DTNA: variants seen among roughly 807,000 people sequenced by gnomAD.
The protein encoded by DTNA is dystrophin-related protein 3.
A neutral mutation model predicts 100.7 loss-of-function variants in DTNA; 43 were observed. The observed-to-expected ratio is 0.43, with a 90% confidence interval of 0.33 to 0.55. DTNA has a LOEUF of 0.55. DTNA is among the 20% of genes least tolerant of loss of function. The pLI, the probability that DTNA is intolerant of heterozygous loss-of-function variation, is 0.04. For synonymous variants in DTNA, 349 were observed against 347.9 expected (o/e 1.00, Z -0.04); for missense variants, 798 against 953.9 (o/e 0.84, Z 2.15).
chr18:34,815,867 A>G (rs762477806), intron 6 of DTNA, 42 bp from the exon 7 acceptor site: 16 of 1,523,524 alleles, frequency 1.1e-5, no homozygotes, highest in African/African-American at 1.4e-5. Flanking sequence ...GTAAATTGAG[A>G]TGATTCTCTG....
chr18:34,633,680 C>G (rs2058343597), intron 1 of DTNA, among the ~76,000 whole-genome samples: 1 of 152,186 alleles, frequency 6.6e-6, no homozygotes, highest in South Asian at 2.1e-4. Flanking sequence ...CACACTCACA[C>G]ACATGCCACA....
chr18:34,782,717 G>A (rs539662351), intron 3 of DTNA, among the ~76,000 whole-genome samples: 1 of 152,316 alleles, frequency 6.6e-6, no homozygotes, highest in Admixed American at 6.5e-5. Flanking sequence ...AGGACTCTTG[G>A]AAGAAGCTGG....
intron 15 of DTNA, among the ~76,000 whole-genome samples, chr18:34,853,394 G>A (rs1053688631): frequency 6.6e-6 from 1 of 152,096 alleles, no homozygotes; most frequent in African/African-American, 2.4e-5. Context: ...GAGAATTTGG[G>A]GATAAATGAT....
At position 34,623,857 on chromosome 18, in the gene DTNA, A is replaced by G. The variant is rs558688895; in HGVS notation, c.-2+130343A>G. On this transcript the variant is annotated intron_variant, in intron 1 of 19. Coordinates refer to the DTNA transcript ENST00000283365. ...CTCTGAAAGCTGCATTTTAAAAACT[A>G]TAATTTGGAAGATCCAAATGTGTTG... Among the ~76,000 whole-genome samples, 3 of 152,336 alleles carry G rather than the reference A, an allele frequency of 2.0e-5. No homozygotes were observed. The South Asian group carries it at 6.2e-4, about 32-fold the overall frequency.
At chr18:34,598,981 C>T (rs2051225545) in intron 1 of DTNA, among the ~76,000 whole-genome samples, 1 of 152,118 alleles carries the variant, frequency 6.6e-6, no homozygotes, top group Non-Finnish European at 1.5e-5. Flanking sequence ...TGATGGGAAC[C>T]AGAGGAAGAG....
chr18:34,641,838 T>C (rs1256272386), intron 1 of DTNA, among the ~76,000 whole-genome samples: 1 of 152,130 alleles, frequency 6.6e-6, no homozygotes. Flanking sequence ...ATAGAAAGCA[T>C]TGTTTGCCAG....
At chr18:34,705,460 T>C (rs942934440), upstream of DTNA, among the ~76,000 whole-genome samples, 2 of 152,194 alleles carry the variant, frequency 1.3e-5, no homozygotes, top group Admixed American at 1.3e-4. Flanking sequence ...AGAATCAGCA[T>C]GGTAAAATTA....
intron 1 of DTNA, among the ~76,000 whole-genome samples, chr18:34,596,672 T>A (rs1416127046): frequency 6.6e-6 from 1 of 152,210 alleles, no homozygotes; most frequent in Non-Finnish European, 1.5e-5. Context: ...CTTTTTACAC[T>A]CTTCGTTCTA....
At chr18:34,713,883 A>G (rs946236027) in intron 1 of DTNA, among the ~76,000 whole-genome samples, 2 of 152,122 alleles carry the variant, frequency 1.3e-5, no homozygotes, top group South Asian at 2.1e-4. Flanking sequence ...CTTTGAAGCA[A>G]TTGTGAATGG....
intron 3 of DTNA, among the ~76,000 whole-genome samples, chr18:34,769,570 AAAC>A (rs769153630): frequency 6.5e-4 from 99 of 152,042 alleles, no homozygotes; most frequent in Middle Eastern, 3.4e-3. Flanking sequence ...GGTGGCTTAT[AAAC>A]AACATTTATT....
chr18:34,523,614 T>G (rs1177561769), intron 1 of DTNA, among the ~76,000 whole-genome samples: 2 of 152,152 alleles, frequency 1.3e-5, no homozygotes, highest in Non-Finnish European at 2.9e-5. Context: ...CCCACAATTT[T>G]CATATATATT....
In DTNA at chr18:34,672,134, G is replaced by A. The variant is rs190054767; in HGVS notation, c.-1-83842G>A. Among the ~76,000 whole-genome samples, 1,286 of 152,222 alleles carry A rather than the reference G, an allele frequency of 8.4e-3. 11 individuals are homozygous for A. Among genetic ancestry groups the A allele is most frequent in the Non-Finnish European group, 0.014 (928 of 68,014 alleles). On this transcript the variant is annotated intron_variant, in intron 1 of 19. Coordinates refer to the DTNA transcript ENST00000283365. ...TTCTTGTCCTGATCAGCAAAAATACGTGAATCTTTCTGCCTTACTTGGAAT... is the reference window on the plus strand; with the variant it reads ...TTCTTGTCCTGATCAGCAAAAATACATGAATCTTTCTGCCTTACTTGGAAT...
At chr18:34,813,576 C>T (rs1295394465) in intron 6 of DTNA, among the ~76,000 whole-genome samples, 1 of 150,246 alleles carries the variant, frequency 6.7e-6, no homozygotes, top group African/African-American at 2.5e-5. Flanking sequence ...GTCAATAGGC[C>T]GGGTGAGGTG....
At chr18:34,720,020 C>T (rs140966423) in intron 1 of DTNA, among the ~76,000 whole-genome samples, 3 of 152,156 alleles carry the variant, frequency 2.0e-5, no homozygotes, top group Non-Finnish European at 2.9e-5. Flanking sequence ...TGTTCATTGC[C>T]GTCTTACTAG....
chr18:34,560,667 A>G (rs1031264114), intron 1 of DTNA, among the ~76,000 whole-genome samples: 4 of 152,308 alleles, frequency 2.6e-5, no homozygotes, highest in Admixed American at 2.6e-4. Context: ...GCACTTTGGG[A>G]GGCTGAGGAG....
chr18:34,666,143 G>A (rs1184835596), intron 1 of DTNA, among the ~76,000 whole-genome samples: 1 of 152,118 alleles, frequency 6.6e-6, no homozygotes, highest in Non-Finnish European at 1.5e-5. Context: ...ATCTCATTGT[G>A]GTTTTGATTT....
intron 1 of DTNA, among the ~76,000 whole-genome samples, chr18:34,513,117 GT>G (rs1443252973): frequency 3.3e-5 from 5 of 152,018 alleles, no homozygotes; most frequent in East Asian, 1.9e-4. Context: ...TTAGAGCTCC[GT>G]TTATTTTCCC....
At chr18:34,703,784 G>A (rs2081732059) in intron 1 of DTNA, among the ~76,000 whole-genome samples, 1 of 152,084 alleles carries the variant, frequency 6.6e-6, no homozygotes, top group African/African-American at 2.4e-5. Flanking sequence ...TTCCAATAAT[G>A]GAATTCATTT....
intron 1 of DTNA, among the ~76,000 whole-genome samples, chr18:34,689,090 T>C (rs1600236839): frequency 6.6e-6 from 1 of 152,164 alleles, no homozygotes; most frequent in Non-Finnish European, 1.5e-5. Flanking sequence ...GGTTAGAACA[T>C]GTTCCTTTAC....
Sources: gnomAD v4.1 joint callset for allele counts (sites outside exome capture counted in the v4.1 genomes callset) on GRCh38, gnomAD v4.1.1 for gene constraint, MANE v1.5 for transcripts, NCBI Gene and HGNC (gene_info 2026-07-23, HGNC 2026-07-21) for gene names.